The following GPC6 variants were observed in gnomAD, a reference collection of about 807,000 sequenced individuals.
The protein encoded by GPC6 is glypican-6.
Under a neutral mutation model 55.2 loss-of-function variants are expected in GPC6, and 14 were observed. That is an observed-to-expected ratio of 0.25 (90% CI 0.17 to 0.40). GPC6 has a LOEUF of 0.40. GPC6 is among the 10% of genes least tolerant of loss of function. GPC6 has a pLI of 1.00. For synonymous variants in GPC6, 278 were observed against 259.6 expected, an observed-to-expected ratio of 1.07 and a Z score of -0.68; for missense variants, 641 against 708.5, an observed-to-expected ratio of 0.90 and a Z score of 1.08.
rs149442994 is a variant in GPC6 at position 93,642,282 on chromosome 13, A to G, written c.319+96861A>G. 7.3e-3 allele frequency among the ~76,000 whole-genome samples: 1,116 copies of G among 152,170 alleles called. 6 individuals carry two copies. The highest frequency in any genetic ancestry group is 0.011 in the Non-Finnish European group (757 of 67,976). Reference sequence around the variant, plus strand: ...TTTCTGCACTAGTTCACTTAAGATAATGGCCTCCAACTCCAGCCACGTTGC... The same window carrying G: ...TTTCTGCACTAGTTCACTTAAGATAGTGGCCTCCAACTCCAGCCACGTTGC... On this transcript the variant is annotated intron_variant, in intron 2 of 8. Transcript: ENST00000377047.
chr13:93,789,509 C>CTATATA (rs201331720), intron 2 of GPC6, among the ~76,000 whole-genome samples: 36 of 93,448 alleles, frequency 3.9e-4, no homozygotes, highest in East Asian at 1.9e-3. Flanking sequence ...CTCTCTCTCT[C>CTATATA]TATATATATA....
intron 3 of GPC6, among the ~76,000 whole-genome samples, chr13:93,977,895 G>A (rs539133581): frequency 9.9e-5 from 15 of 152,260 alleles, no homozygotes; most frequent in African/African-American, 3.1e-4. Context: ...TTCTCCCTGG[G>A]TAATTAGTGA....
intron 1 of GPC6, among the ~76,000 whole-genome samples, chr13:93,239,875 T>A (rs771216389): frequency 3.3e-5 from 5 of 152,106 alleles, no homozygotes; most frequent in Admixed American, 3.3e-4. Flanking sequence ...TTAATGTTGA[T>A]TTTGTCATTG....
chr13:93,643,539 G>A (rs1188000416), intron 2 of GPC6, among the ~76,000 whole-genome samples: 1 of 152,058 alleles, frequency 6.6e-6, no homozygotes, highest in Non-Finnish European at 1.5e-5. Context: ...GAAGGATAAA[G>A]GAAAGTAAGA....
chr13:93,248,160 A>C (rs1566540193), intron 1 of GPC6, among the ~76,000 whole-genome samples: 2 of 152,236 alleles, frequency 1.3e-5, no homozygotes, highest in South Asian at 2.1e-4. Context: ...CCAGTATAAC[A>C]AAGGGTTGAC....
intron 3 of GPC6, among the ~76,000 whole-genome samples, chr13:93,862,799 C>G (rs1433415273): frequency 6.6e-6 from 1 of 151,652 alleles, no homozygotes; most frequent in Non-Finnish European, 1.5e-5. Context: ...TGTTTCTCTG[C>G]TTTCTTTCCC....
At chr13:94,247,235 A>T (rs971098580) in intron 4 of GPC6, among the ~76,000 whole-genome samples, 2 of 152,044 alleles carry the variant, frequency 1.3e-5, no homozygotes, top group Admixed American at 1.3e-4. Flanking sequence ...ATTAGATGTA[A>T]TAGTTGTTTG....
At chr13:93,712,367 C>T (rs1883098596) in intron 2 of GPC6, among the ~76,000 whole-genome samples, 1 of 151,492 alleles carries the variant, frequency 6.6e-6, no homozygotes, top group Admixed American at 6.6e-5. Context: ...CCAAATAGAC[C>T]AAGTTAATGA....
chr13:94,085,917 AT>A (rs1175751381), intron 4 of GPC6, among the ~76,000 whole-genome samples: 1 of 152,190 alleles, frequency 6.6e-6, no homozygotes, highest in East Asian at 1.9e-4. Flanking sequence ...AATTTATATA[AT>A]ATATAGTCAA....
intron 2 of GPC6, among the ~76,000 whole-genome samples, chr13:93,792,056 T>A (rs1024760902): frequency 6.6e-6 from 1 of 152,234 alleles, no homozygotes; most frequent in African/African-American, 2.4e-5. Context: ...ACAGTCTTTT[T>A]AAAAAATAAT....
At chr13:93,355,028 T>C (rs1220011942) in intron 1 of GPC6, among the ~76,000 whole-genome samples, 2 of 152,212 alleles carry the variant, frequency 1.3e-5, no homozygotes, top group Non-Finnish European at 2.9e-5. Flanking sequence ...TTGCAGAAGC[T>C]ATAAGGAGTC....
In GPC6 at chr13:93,450,055, C is replaced by T. The variant is rs537252184; in HGVS notation, c.161-95208C>T. Among the ~76,000 whole-genome samples the T allele has an allele frequency of 1.1e-4, 16 of 152,104 alleles. No individual in the cohort carries two copies. In the East Asian group the frequency reaches 1.8e-3, roughly 17 times the overall value. On this transcript the variant is annotated intron_variant, in intron 1 of 8. Coordinates refer to ENST00000377047, the MANE Select transcript of GPC6 (RefSeq NM_005708.5). ...CCTCAGTCTCCCAAAGTGCTGTGTG[C>T]GATTACAGGCGTGAGCCACCGCGCC...
chr13:93,819,146 C>T (rs1886958916), intron 2 of GPC6, among the ~76,000 whole-genome samples: 1 of 152,158 alleles, frequency 6.6e-6, no homozygotes, highest in South Asian at 2.1e-4. Flanking sequence ...GGAAAAAGTA[C>T]ACTCCATTTG....
At chr13:94,172,046 G>A (rs752908187) in intron 4 of GPC6, among the ~76,000 whole-genome samples, 2 of 152,114 alleles carry the variant, frequency 1.3e-5, no homozygotes, top group Non-Finnish European at 1.5e-5. Context: ...AAGACAGTGA[G>A]CATTGTTTAA....
chr13:93,532,786 T>C (rs1028576367), intron 1 of GPC6, among the ~76,000 whole-genome samples: 7 of 152,196 alleles, frequency 4.6e-5, no homozygotes, highest in African/African-American at 1.7e-4. Flanking sequence ...TTCTGTGTCA[T>C]CTAGAGTAGC....
Position 93,419,707 on chromosome 13 carries a change from C to T in GPC6, c.161-125556C>T, listed in dbSNP as rs141806542. ...TGTGAGGCTCTTTGCTGAGGGTCTG[C>T]CTGTGTGCCATTCCTTCATGACAGC... On this transcript the variant is annotated intron_variant, in intron 1 of 8. Transcript: ENST00000377047. Among the ~76,000 whole-genome samples the T allele has an allele frequency of 1.5e-3, 233 of 152,232 alleles. 2 individuals carry two copies. The highest frequency in any genetic ancestry group is 5.5e-3 in the African/African-American group (229 of 41,536).
chr13:93,251,260 C>G (rs146760365), intron 1 of GPC6, among the ~76,000 whole-genome samples: 4 of 152,234 alleles, frequency 2.6e-5, no homozygotes, highest in Admixed American at 6.5e-5. Flanking sequence ...GATGGGTTTG[C>G]TATCTCTTTC....
intron 3 of GPC6, among the ~76,000 whole-genome samples, chr13:93,942,600 G>A (rs1370013024): frequency 6.6e-6 from 1 of 152,134 alleles, no homozygotes. Flanking sequence ...GGGATTACAG[G>A]CATGAGCCAG....
At chr13:94,008,424 G>GT (rs1882105265) in intron 3 of GPC6, among the ~76,000 whole-genome samples, 1 of 152,158 alleles carries the variant, frequency 6.6e-6, no homozygotes, top group Non-Finnish European at 1.5e-5. Context: ...GGAGGCTGAG[G>GT]TGAGTGGATC....
Sources: allele counts gnomAD v4.1 joint callset (sites outside exome capture counted in the v4.1 genomes callset), GRCh38; gene constraint gnomAD v4.1.1; transcripts MANE v1.5; gene names NCBI Gene and HGNC (gene_info 2026-07-23, HGNC 2026-07-21).